Variants in DPP6 observed in about 807,000 individuals in gnomAD.
DPP6 encodes A-type potassium channel modulatory protein DPP6.
A neutral mutation model predicts 122.6 loss-of-function variants in DPP6; 69 were observed. That is an observed-to-expected ratio of 0.56 (90% confidence interval 0.46 to 0.69). DPP6 has a LOEUF of 0.69. DPP6 is among the 30% of genes least tolerant of loss of function. DPP6 has a pLI of 0.00. For synonymous variants in DPP6, 418 were observed against 433.1 expected, an observed-to-expected ratio of 0.97 and a Z score of 0.43; for missense variants, 928 against 1,116.9, an observed-to-expected ratio of 0.83 and a Z score of 2.41.
chr7:154,598,588 C>T (rs1317377385), intron 5 of DPP6, among the ~76,000 whole-genome samples: 1 of 152,210 alleles, frequency 6.6e-6, no homozygotes. Flanking sequence ...AGACAAAAGG[C>T]TGCAGTTATC....
chr7:154,106,053 T>G (rs1270556152), intron 1 of DPP6, among the ~76,000 whole-genome samples: 2 of 152,056 alleles, frequency 1.3e-5, no homozygotes, highest in Non-Finnish European at 2.9e-5. Flanking sequence ...ACAGATTATG[T>G]GCCTGCCCAC....
At position 154,727,785 on chromosome 7, in the gene DPP6, A is replaced by G. The variant is rs1300875508; in HGVS notation, c.781A>G (p.Asn261Asp). The stretch of plus-strand genomic sequence containing the variant: ...AAATTAGATATTTATTTTTGAAAAC[A>G]ATATCTACTACTGTGCACATGTCGG... ...GQQLIFIFEN[N>D]IYYCAHVGKQ... Residue 261 changes from asparagine to aspartate, a missense_variant, in exon 8 of 26, where the codon AAT becomes GAT. By Grantham distance (23) the Asn-to-Asp change is conservative (BLOSUM62 1). Coordinates refer to ENST00000377770, the MANE Select transcript of DPP6 (RefSeq NM_130797.4). The G allele has an allele frequency of 1.2e-6, 2 of 1,611,908 alleles. No individual in the cohort carries two copies. Among genetic ancestry groups the G allele is most frequent in the Non-Finnish European group, 8.5e-7 (1 of 1,178,744 alleles).
chr7:154,289,478 A>G (rs568140984), intron 1 of DPP6, among the ~76,000 whole-genome samples: 3 of 152,334 alleles, frequency 2.0e-5, no homozygotes, highest in East Asian at 1.9e-4. Context: ...AGCTAGTTCA[A>G]TCCTCTCATG....
chr7:154,453,972 G>A (rs75412839), intron 2 of DPP6, among the ~76,000 whole-genome samples: 7,569 of 152,134 alleles, frequency 0.05, 398 homozygotes, highest in African/African-American at 0.12. Flanking sequence ...GCTTTTGTGT[G>A]TATCATAAAA....
At chr7:154,272,260 A>G (rs1431871538) in intron 1 of DPP6, among the ~76,000 whole-genome samples, 1 of 152,242 alleles carries the variant, frequency 6.6e-6, no homozygotes, top group Admixed American at 6.5e-5. Context: ...GCTTTTAATT[A>G]AATGGAATAT....
At chr7:154,758,780 G>A (rs1795318937) in intron 8 of DPP6, among the ~76,000 whole-genome samples, 1 of 152,148 alleles carries the variant, frequency 6.6e-6, no homozygotes, top group African/African-American at 2.4e-5. Context: ...TTGTAAGAAG[G>A]GATGCTTATA....
chr7:154,760,250 A>G lies in DPP6; in HGVS notation c.884-9167A>G, dbSNP rs552294371. Among the ~76,000 whole-genome samples, 1 of 152,284 alleles carries G rather than the reference A, an allele frequency of 6.6e-6. No homozygotes were observed. Among genetic ancestry groups the G allele is most frequent in the South Asian group, 2.1e-4 (1 of 4,814 alleles). On this transcript the variant is annotated intron_variant, in intron 8 of 25. Coordinates refer to ENST00000377770, the MANE Select transcript of DPP6 (RefSeq NM_130797.4). This position sits in a 1 kb window ranked among gnomAD's most constrained non-coding sequence, Gnocchi z 4.5. ...TCAGCAGGCGGATTCTGGGATTAGCAGGTGATTGGTGGAAGGAACGGGGAG... is the reference window on the plus strand; with the variant it reads ...TCAGCAGGCGGATTCTGGGATTAGCGGGTGATTGGTGGAAGGAACGGGGAG...
At chr7:153,960,310 A>G (rs1795280451) in intron 1 of DPP6, among the ~76,000 whole-genome samples, 1 of 152,140 alleles carries the variant, frequency 6.6e-6, no homozygotes, top group Admixed American at 6.6e-5. Flanking sequence ...AATTGGAGTC[A>G]ATCCTCTCCA....
At chr7:154,364,729 C>A (rs1309705655) in intron 1 of DPP6, among the ~76,000 whole-genome samples, 4 of 152,308 alleles carry the variant, frequency 2.6e-5, no homozygotes, top group South Asian at 2.1e-4. Context: ...ATACCTCTCT[C>A]ATCTCTTCCC....
At chr7:154,060,267 C>G (rs371455330) in intron 1 of DPP6, among the ~76,000 whole-genome samples, 8,323 of 129,970 alleles carry the variant, frequency 0.064, 746 homozygotes, top group Non-Finnish European at 0.091. Flanking sequence ...GCACCCCCCG[C>G]GAGGCAGGGA....
chr7:154,214,745 G>A (rs563235369), intron 1 of DPP6, among the ~76,000 whole-genome samples: 13 of 152,206 alleles, frequency 8.5e-5, no homozygotes, highest in Middle Eastern at 3.4e-3. Flanking sequence ...AGTGAGACCC[G>A]TCTTTACCAA....
In DPP6 at chr7:154,779,937, A is replaced by G. The variant is rs553186046; in HGVS notation, c.1136+6995A>G. Reference sequence around the variant, plus strand: ...CCAATTTTTTTTGGACGTGGTCTGGATGTAAATTACAATTTCACAAATGTG... The same window carrying G: ...CCAATTTTTTTTGGACGTGGTCTGGGTGTAAATTACAATTTCACAAATGTG... On this transcript the variant is annotated intron_variant, in intron 10 of 25. Transcript: ENST00000377770. 2.0e-4 allele frequency among the ~76,000 whole-genome samples: 30 copies of G among 152,288 alleles called. No individual in the cohort carries two copies. In the South Asian group the frequency reaches 6.2e-3, roughly 32 times the overall value.
At chr7:153,754,855 C>CCACT in the DPP6 span, among the ~76,000 whole-genome samples, 1 of 151,474 alleles carries the variant, frequency 6.6e-6, no homozygotes, top group Non-Finnish European at 1.5e-5. Context: ...TCTAAAATGT[C>CCACT]CACTTAGTTC....
At chr7:154,303,438 C>G (rs1806045223) in intron 1 of DPP6, among the ~76,000 whole-genome samples, 1 of 152,078 alleles carries the variant, frequency 6.6e-6, no homozygotes, top group African/African-American at 2.4e-5. Context: ...GAGACGTGAC[C>G]AAGGAGGGAC....
chr7:153,972,036 G>A (rs1050303205), intron 1 of DPP6, among the ~76,000 whole-genome samples: 5 of 150,472 alleles, frequency 3.3e-5, no homozygotes, highest in Admixed American at 6.6e-5. Flanking sequence ...CACATCATTC[G>A]TGTATTTTTC....
At chr7:153,764,705 T>G in the DPP6 span, among the ~76,000 whole-genome samples, 1 of 151,496 alleles carries the variant, frequency 6.6e-6, no homozygotes, top group African/African-American at 2.4e-5. Flanking sequence ...CTTCCTGTCT[T>G]TACCCTCTTC....
chr7:154,243,199 G>T (rs1007583032), intron 1 of DPP6, among the ~76,000 whole-genome samples: 7 of 152,104 alleles, frequency 4.6e-5, no homozygotes, highest in Admixed American at 3.9e-4. Flanking sequence ...AAAACATTTT[G>T]TCTATAGTAT....
At chr7:153,864,024 A>G in the DPP6 span, among the ~76,000 whole-genome samples, 9 of 152,168 alleles carry the variant, frequency 5.9e-5, no homozygotes, top group Admixed American at 2.0e-4. Context: ...TATTGTAAAT[A>G]ATGCTGCTCT....
intron 17 of DPP6, among the ~76,000 whole-genome samples, chr7:154,856,679 A>G (rs571594048): frequency 6.6e-6 from 1 of 152,250 alleles, no homozygotes; most frequent in African/African-American, 2.4e-5. Flanking sequence ...AATCAATCCA[A>G]TCAATATTGA....
Sources: allele counts gnomAD v4.1 joint callset (sites outside exome capture counted in the v4.1 genomes callset), GRCh38; gene constraint gnomAD v4.1.1; non-coding constraint Gnocchi (gnomAD v3.1); transcripts MANE v1.5; gene names NCBI Gene and HGNC (gene_info 2026-07-23, HGNC 2026-07-21).